Variants in ITGA8 observed in about 807,000 individuals in gnomAD.
The protein encoded by ITGA8 is integrin subunit alpha 8.
ITGA8 carries 91 observed loss-of-function variants against 142.3 expected under a neutral mutation model. That is an observed-to-expected ratio of 0.64 (90% CI 0.54 to 0.76). ITGA8 has a LOEUF of 0.76. ITGA8 is among the 30% of genes least tolerant of loss of function. The pLI, the probability that ITGA8 is intolerant of heterozygous loss-of-function variation, is 0.00. For synonymous variants in ITGA8, 505 were observed against 485.2 expected, an observed-to-expected ratio of 1.04 and a Z score of -0.54; for missense variants, 1,406 against 1,327.7, an observed-to-expected ratio of 1.06 and a Z score of -0.92.
chr10:15,546,351 G>A (rs1026279007), intron 27 of ITGA8, among the ~76,000 whole-genome samples: 17 of 152,292 alleles, frequency 1.1e-4, no homozygotes, highest in African/African-American at 4.1e-4. Context: ...AGCAGCCCTT[G>A]GCACACAGTA....
chr10:15,523,955 A>G (rs1332510338), intron 28 of ITGA8, among the ~76,000 whole-genome samples: 1 of 152,082 alleles, frequency 6.6e-6, no homozygotes, highest in Non-Finnish European at 1.5e-5. Flanking sequence ...CAAAAAAACA[A>G]AAAACACTTC....
chr10:15,643,019 A>C (rs1306735594), intron 13 of ITGA8, among the ~76,000 whole-genome samples: 1 of 152,220 alleles, frequency 6.6e-6, no homozygotes, highest in African/African-American at 2.4e-5. Flanking sequence ...TAAACATAAA[A>C]GTGAAAATCA....
chr10:15,672,769 T>G lies in ITGA8; in HGVS notation c.677-20A>C, dbSNP rs891967533. The G allele has an allele frequency of 3.2e-6, 5 of 1,572,828 alleles. No homozygotes were observed. Among genetic ancestry groups the G allele is most frequent in the Non-Finnish European group, 4.3e-6 (5 of 1,159,876 alleles). On this transcript the variant is annotated intron_variant, in intron 6 of 29. Transcript: ENST00000378076. The stretch of plus-strand genomic sequence containing the variant: ...CTTGTCCTGTGTTTAAACAAATTAA[T>G]ACGTTAACTGAATGAAAGCAAGAGG...
intron 13 of ITGA8, among the ~76,000 whole-genome samples, chr10:15,626,808 G>A (rs965237344): frequency 2.6e-5 from 4 of 152,180 alleles, no homozygotes; most frequent in Non-Finnish European, 5.9e-5. Context: ...CCATCTACAA[G>A]CCAAAGAGAG....
chr10:15,517,940 G>A (rs1832993590), intron 29 of ITGA8, among the ~76,000 whole-genome samples: 1 of 152,224 alleles, frequency 6.6e-6, no homozygotes, highest in African/African-American at 2.4e-5. Flanking sequence ...GTCTCCTAAA[G>A]TATCCTGTCA....
intron 2 of ITGA8, 145 bp downstream of exon 2, chr10:15,718,621 T>A (rs1168058165): frequency 2.0e-6 from 2 of 1,001,094 alleles, no homozygotes; most frequent in Non-Finnish European, 2.9e-6. Flanking sequence ...AAAACTGATT[T>A]CTCTAGAGAC....
chr10:15,559,218 T>A (rs1260775658), intron 25 of ITGA8, among the ~76,000 whole-genome samples: 1 of 152,222 alleles, frequency 6.6e-6, no homozygotes, highest in Admixed American at 6.5e-5. Flanking sequence ...ATGCTGGCCT[T>A]GGCCGGTTTC....
At chr10:15,664,865 A>G (rs1588708054) in intron 8 of ITGA8, among the ~76,000 whole-genome samples, 1 of 152,230 alleles carries the variant, frequency 6.6e-6, no homozygotes, top group East Asian at 1.9e-4. Context: ...TTATGGCTGC[A>G]TAGTATTCCA....
rs368176501 is a variant in ITGA8 at position 15,531,057 on chromosome 10, C to T, written c.2975G>A (p.Ser992Asn). The T allele has an allele frequency of 1.7e-5, 25 of 1,505,262 alleles. No homozygotes were observed. Among genetic ancestry groups the T allele is most frequent in the East Asian group, 6.9e-5 (3 of 43,194 alleles). The allele number at this position is 1,505,262 out of a possible 1,614,324, so 93.2% of individuals were successfully genotyped here. A position where few individuals can be genotyped will look rare whatever the true frequency, so the allele number is the denominator to read the frequency against. The change falls in exon 28 of 30, where the codon AGC (serine) becomes AAC (asparagine). Residue 992 changes from serine (S) to asparagine (N), a missense_variant. Ser to Asn is a conservative substitution (Grantham distance 46). Coordinates refer to ENST00000378076, the MANE Select transcript of ITGA8 (RefSeq NM_003638.3). Reference protein sequence around the residue: ...TDQPAKLPEGSIVIKTSVIWA... With the variant: ...TDQPAKLPEGNIVIKTSVIWA... ...ATATTTAAAGATACTCACTACTATG[C>T]TTCCTTCTGGGAGTTTTGCTGGCTG...
intron 11 of ITGA8, among the ~76,000 whole-genome samples, chr10:15,654,158 G>T (rs1284134142): frequency 1.3e-5 from 2 of 152,130 alleles, no homozygotes; most frequent in Non-Finnish European, 2.9e-5. Flanking sequence ...TTCATGGCCT[G>T]ATAGCTCATT....
intron 4 of ITGA8, among the ~76,000 whole-genome samples, chr10:15,679,245 T>C (rs1201976442): frequency 6.6e-6 from 1 of 152,190 alleles, no homozygotes; most frequent in Non-Finnish European, 1.5e-5. Context: ...GGGCCACCAA[T>C]AAGCATTTCC....
At chr10:15,684,236 T>A in intron 3 of ITGA8, 109 bp from the exon 4 acceptor site, 1 of 1,201,898 alleles carries the variant, frequency 8.3e-7, no homozygotes, top group Non-Finnish European at 1.1e-6. Context: ...GGTGAATTAA[T>A]TGGCCTCTAG....
chr10:15,626,824 T>G (rs1458944453), intron 13 of ITGA8, among the ~76,000 whole-genome samples: 1 of 152,110 alleles, frequency 6.6e-6, no homozygotes, highest in Non-Finnish European at 1.5e-5. Flanking sequence ...GAGAGAGGCT[T>G]AGAGGAAACC....
intron 8 of ITGA8, among the ~76,000 whole-genome samples, chr10:15,661,374 A>G (rs578220170): frequency 4.2e-4 from 64 of 152,320 alleles, no homozygotes; most frequent in Non-Finnish European, 1.9e-4. Context: ...CATCTGTGAA[A>G]CCAGTCCCTG....
chr10:15,633,016 A>G (rs1833711171), intron 13 of ITGA8, among the ~76,000 whole-genome samples: 1 of 152,126 alleles, frequency 6.6e-6, no homozygotes. Flanking sequence ...TTTTGATTTC[A>G]TGTTTCTTTT....
chr10:15,523,015 C>CA lies in ITGA8; in HGVS notation c.2983-3604dup, dbSNP rs60985014. Among the ~76,000 whole-genome samples, 349 of 140,664 alleles carry CA rather than the reference C, an allele frequency of 2.5e-3. 1 individual carries two copies. The highest frequency in any genetic ancestry group is 0.013 in the East Asian group (60 of 4,674). The allele number at this position is 140,664 out of a possible 152,430, so 92.3% of individuals were successfully genotyped here. ...TGGTTGACAGAGCCAGGCTCAGTCTCAAAAAAAAAAAAAATTATTATCTTA... is the reference window on the plus strand; with the variant it reads ...TGGTTGACAGAGCCAGGCTCAGTCTCAAAAAAAAAAAAAAATTATTATCTTA... On this transcript the variant is annotated intron_variant, in intron 28 of 29. Coordinates refer to ENST00000378076, the MANE Select transcript of ITGA8 (RefSeq NM_003638.3).
At chr10:15,592,128 G>GC (rs1397477655) in intron 22 of ITGA8, 97 bp downstream of exon 22, 15 of 749,534 alleles carry the variant, frequency 2.0e-5, no homozygotes, top group Non-Finnish European at 2.6e-5. Flanking sequence ...TTTCAGGTGA[G>GC]CTTTTAAGGC....
chr10:15,597,407 G>A, intron 20 of ITGA8, 108 bp from the exon 21 acceptor site: 2 of 794,280 alleles, frequency 2.5e-6, no homozygotes, highest in East Asian at 2.4e-5. Context: ...CACCCAGGAG[G>A]GCGATAGTGC....
chr10:15,655,889 C>T (rs1394150637), intron 10 of ITGA8, among the ~76,000 whole-genome samples: 1 of 152,062 alleles, frequency 6.6e-6, no homozygotes, highest in African/African-American at 2.4e-5. Context: ...GGTTCAAGAC[C>T]AACCCTGGCA....
Sources: gnomAD v4.1 joint callset for allele counts (sites outside exome capture counted in the v4.1 genomes callset) on GRCh38, gnomAD v4.1.1 for gene constraint, MANE v1.5 for transcripts, NCBI Gene and HGNC (gene_info 2026-07-23, HGNC 2026-07-21) for gene names.